The following FAM153A variants were observed in gnomAD, a reference collection of about 807,000 sequenced individuals.
The protein encoded by FAM153A is family with sequence similarity 153 member A.
Under a neutral mutation model 48.1 loss-of-function variants are expected in FAM153A, and 12 were observed. The ratio of observed to expected loss-of-function variants is 0.25; its 90% CI spans 0.16 to 0.40. The LOEUF is 0.40. Ranked by LOEUF, FAM153A falls within the 10% of genes least tolerant of loss-of-function variation. The pLI is 1.00. For missense variants in FAM153A, 111 were observed against 345.8 expected (o/e 0.32, Z 5.38); for synonymous variants, 36 against 118.2 (o/e 0.30, Z 4.51).
downstream of FAM153A, among the ~76,000 whole-genome samples, chr5:177,709,425 G>A (rs1413635704): frequency 2.7e-5 from 4 of 147,018 alleles, no homozygotes; most frequent in African/African-American, 7.6e-5. Context: ...GCAATGGCGC[G>A]ATCTCGGCTC....
At chr5:177,702,855 G>A in the FAM153A span, among the ~76,000 whole-genome samples, 1 of 151,928 alleles carries the variant, frequency 6.6e-6, no homozygotes, top group Admixed American at 6.5e-5. Flanking sequence ...TGGAGACTCT[G>A]CCTGTATTTC....
intron 1 of FAM153A, among the ~76,000 whole-genome samples, chr5:177,761,008 G>C (rs1029167566): frequency 6.6e-6 from 1 of 151,784 alleles, no homozygotes; most frequent in Non-Finnish European, 1.5e-5. Flanking sequence ...ATTGGTCCTT[G>C]TTGATGTCTG....
At chr5:177,749,142 C>T (rs1766483216) in intron 2 of FAM153A, among the ~76,000 whole-genome samples, 1 of 146,902 alleles carries the variant, frequency 6.8e-6, no homozygotes, top group Non-Finnish European at 1.5e-5. Context: ...CAAAATACAT[C>T]GTATTTATTA....
chr5:177,711,606 T>A (rs1758487696), exon 27 of FAM153A: 1 of 151,966 alleles, frequency 6.6e-6, no homozygotes, highest in African/African-American at 2.4e-5. Flanking sequence ...GTAACATTGA[T>A]AAATGTGAAT....
chr5:177,700,517 T>A, the FAM153A span, among the ~76,000 whole-genome samples: 1 of 151,784 alleles, frequency 6.6e-6, no homozygotes, highest in African/African-American at 2.4e-5. Context: ...CAAAACTCAG[T>A]TGTGGCTGGG....
chr5:177,757,701 A>G (rs1350820092), upstream of FAM153A, among the ~76,000 whole-genome samples: 1 of 151,406 alleles, frequency 6.6e-6, no homozygotes, highest in African/African-American at 2.5e-5. Context: ...GTAATCCAGC[A>G]TATAAACAGA....
chr5:177,738,299 G>T (rs1765009655), intron 10 of FAM153A, among the ~76,000 whole-genome samples: 1 of 151,264 alleles, frequency 6.6e-6, no homozygotes, highest in Non-Finnish European at 1.5e-5. Context: ...TTTCTGCTTT[G>T]GATCAGGAGA....
At chr5:177,705,322 G>A (rs1410348039), downstream of FAM153A, among the ~76,000 whole-genome samples, 4 of 148,944 alleles carry the variant, frequency 2.7e-5, no homozygotes, top group African/African-American at 1.0e-4. Context: ...AAAAGTATAT[G>A]GCACCCCCAC....
upstream of FAM153A, among the ~76,000 whole-genome samples, chr5:177,755,954 C>A (rs57103602): frequency 0.032 from 4,792 of 148,470 alleles, 7 homozygotes; most frequent in African/African-American, 0.099. Flanking sequence ...CAGCTAACAT[C>A]ATAATGACAG....
intron 12 of FAM153A, among the ~76,000 whole-genome samples, chr5:177,735,200 T>C (rs1764518535): frequency 6.7e-6 from 1 of 150,112 alleles, no homozygotes. Context: ...CTGAGCTAAC[T>C]TGCCCTCTTA....
At chr5:177,719,328 C>A (rs1760606196), downstream of FAM153A, among the ~76,000 whole-genome samples, 2 of 148,162 alleles carry the variant, frequency 1.3e-5, no homozygotes, top group Admixed American at 1.4e-4. Flanking sequence ...TGTGCCATCA[C>A]AAATGAATGG....
Position 177,736,574 on chromosome 5 carries a change from C to T in FAM153A, c.664+5G>A, listed in dbSNP as rs757020446. ...TAAACAAAGAGATGATCCCAGAATA[C>T]GTACATTCGGCCAGTGTGTCTGGGT... On this transcript the variant is annotated splice_donor_5th_base_variant and intron_variant, in intron 12 of 20. Transcript: ENST00000614127. 1.6e-5 allele frequency: 22 copies of T among 1,373,184 alleles called. 4 individuals are homozygous for T. The highest frequency in any genetic ancestry group is 4.4e-5 in the African/African-American group (3 of 67,754). 85.1% of individuals were successfully genotyped at this position (1,373,184 alleles called of 1,614,324 possible). A position where few individuals can be genotyped will look rare whatever the true frequency, so the allele number is the denominator to read the frequency against.
the FAM153A span, among the ~76,000 whole-genome samples, chr5:177,696,918 C>G: frequency 4.0e-5 from 6 of 151,722 alleles, no homozygotes; most frequent in African/African-American, 1.5e-4. Flanking sequence ...ATTGTTTTGG[C>G]TATTCTAGGT....
chr5:177,759,141 T>C (rs187554390), intron 1 of FAM153A, among the ~76,000 whole-genome samples: 15 of 151,904 alleles, frequency 9.9e-5, no homozygotes, highest in African/African-American at 3.4e-4. Context: ...AACAACCCCA[T>C]TAAGAAGTGG....
intron 10 of FAM153A, 27 bp downstream of exon 12, chr5:177,739,086 G>T: frequency 6.2e-7 from 1 of 1,612,026 alleles, no homozygotes; most frequent in Non-Finnish European, 8.5e-7. Flanking sequence ...TTTTTCCTTA[G>T]CAAAAAGGTG....
At chr5:177,710,465 A>G (rs1299353747), downstream of FAM153A, among the ~76,000 whole-genome samples, 1 of 151,780 alleles carries the variant, frequency 6.6e-6, no homozygotes, top group Non-Finnish European at 1.5e-5. Flanking sequence ...TCTTAACAGT[A>G]GCAGCTATTT....
At chr5:177,695,863 C>T in the FAM153A span, among the ~76,000 whole-genome samples, 1 of 149,894 alleles carries the variant, frequency 6.7e-6, no homozygotes, top group Non-Finnish European at 1.5e-5. Context: ...GCACTCCTCA[C>T]TTCCCAGATG....
intron 4 of FAM153A, among the ~76,000 whole-genome samples, chr5:177,746,888 T>C (rs1202405609): frequency 6.7e-6 from 1 of 148,504 alleles, no homozygotes; most frequent in Non-Finnish European, 1.5e-5. Context: ...TTTCTAACGT[T>C]TGTGGTGATG....
downstream of FAM153A, among the ~76,000 whole-genome samples, chr5:177,704,885 A>G (rs1199082057): frequency 1.3e-5 from 2 of 151,058 alleles, no homozygotes; most frequent in Non-Finnish European, 2.9e-5. Flanking sequence ...CTGTAGTCAC[A>G]GCTACTTGGG....
Sources: allele counts gnomAD v4.1 joint callset (sites outside exome capture counted in the v4.1 genomes callset), GRCh38; gene constraint gnomAD v4.1.1; transcripts MANE v1.5; gene names NCBI Gene and HGNC (gene_info 2026-07-23, HGNC 2026-07-21).